PTPRN2: variants seen among roughly 807,000 people sequenced by gnomAD.
The protein encoded by PTPRN2 is receptor-type tyrosine-protein phosphatase N2.
Under a neutral mutation model 118.8 loss-of-function variants are expected in PTPRN2, and 74 were observed. The observed-to-expected ratio is 0.62, with a 90% CI of 0.52 to 0.76. PTPRN2 has a LOEUF of 0.76. Ranked by LOEUF, PTPRN2 falls within the 30% of genes least tolerant of loss-of-function variation. The pLI, the probability that PTPRN2 is intolerant of heterozygous loss-of-function variation, is 0.00. For synonymous variants in PTPRN2, 641 were observed against 608.0 expected (o/e 1.05, Z -0.80); for missense variants, 1,481 against 1,394.4 (o/e 1.06, Z -0.99).
At position 157,687,744 on chromosome 7, in the gene PTPRN2, A is replaced by T. The variant is rs552388936; in HGVS notation, c.1789-4807T>A. 2.0e-5 allele frequency among the ~76,000 whole-genome samples: 3 copies of T among 152,328 alleles called. No individual in the cohort carries two copies. The South Asian group carries it at 6.2e-4, about 32-fold the overall frequency. On this transcript the variant is annotated intron_variant, in intron 12 of 22. Coordinates refer to ENST00000389418, the MANE Select transcript of PTPRN2 (RefSeq NM_002847.5). ...CTAAAAGGCATTACTAAAATATAAT[A>T]CTCACTTTAGGGCTGATGAACATTT...
rs1336378316 is a variant in PTPRN2 at position 158,406,393 on chromosome 7, T to A, written c.163+83342A>T. ...CCCGCAGTGGCTCATCCGTGAGACATGTGGCTGCACACTGAGATCCTGCAG... is the reference window on the plus strand; with the variant it reads ...CCCGCAGTGGCTCATCCGTGAGACAAGTGGCTGCACACTGAGATCCTGCAG... On this transcript the variant is annotated intron_variant, in intron 2 of 22. Coordinates refer to ENST00000389418, the MANE Select transcript of PTPRN2 (RefSeq NM_002847.5). 3.4e-5 allele frequency among the ~76,000 whole-genome samples: 4 copies of A among 118,552 alleles called. No homozygotes were observed. The East Asian group carries it at 9.5e-4, about 28-fold the overall frequency. The allele number at this position is 118,552 out of a possible 152,430, so 77.8% of individuals were successfully genotyped here.
rs894351359 is a variant in PTPRN2 at position 158,241,370 on chromosome 7, C to T, written c.278-36097G>A. The stretch of plus-strand genomic sequence containing the variant: ...TCTCTACAAAAAATACAAAATTAGC[C>T]GGGCATGATGGCAGGTGCCTGTAAT... On this transcript the variant is annotated intron_variant, in intron 3 of 22. Transcript: ENST00000389418. Among the ~76,000 whole-genome samples the T allele has an allele frequency of 3.3e-5, 5 of 151,986 alleles. No homozygotes were observed. In the East Asian group the frequency reaches 5.8e-4, roughly 18 times the overall value.
At chr7:157,625,294 A>C (rs1803497709) in intron 14 of PTPRN2, among the ~76,000 whole-genome samples, 1 of 152,266 alleles carries the variant, frequency 6.6e-6, no homozygotes, top group African/African-American at 2.4e-5. Flanking sequence ...TGTTTATAGC[A>C]GCACAATTCA....
intron 3 of PTPRN2, among the ~76,000 whole-genome samples, chr7:158,239,551 G>A (rs1341149886): frequency 1.3e-5 from 2 of 152,192 alleles, no homozygotes; most frequent in African/African-American, 2.4e-5. Context: ...GGACCAATGG[G>A]GACGTGGCTT....
chr7:158,188,641 C>T (rs1253367338), intron 5 of PTPRN2, among the ~76,000 whole-genome samples: 4 of 133,268 alleles, frequency 3.0e-5, no homozygotes, highest in South Asian at 2.5e-4. Context: ...AAGGCCGCCA[C>T]GCTCGCCCCC....
chr7:158,174,983 A>C (rs1316909236), intron 5 of PTPRN2, among the ~76,000 whole-genome samples: 1 of 152,108 alleles, frequency 6.6e-6, no homozygotes, highest in Non-Finnish European at 1.5e-5. Context: ...CCCAGTCCCA[A>C]AGGCACAATT....
At chr7:158,561,344 C>T (rs1400939113) in intron 1 of PTPRN2, among the ~76,000 whole-genome samples, 1 of 152,072 alleles carries the variant, frequency 6.6e-6, no homozygotes, top group African/African-American at 2.4e-5. Context: ...TGAGAAAATC[C>T]CCCTGACAGC....
At chr7:157,573,232 G>A (rs1463750376) in intron 19 of PTPRN2, among the ~76,000 whole-genome samples, 1 of 152,250 alleles carries the variant, frequency 6.6e-6, no homozygotes, top group Non-Finnish European at 1.5e-5. Flanking sequence ...TGTGTGACGT[G>A]AGCACGTATG....
chr7:157,981,936 C>T (rs566538445), intron 11 of PTPRN2, among the ~76,000 whole-genome samples: 1 of 152,244 alleles, frequency 6.6e-6, no homozygotes, highest in South Asian at 2.1e-4. Flanking sequence ...CCCCAAACCC[C>T]TGAGTCATAA....
chr7:157,572,952 G>A (rs1396814317), intron 19 of PTPRN2, among the ~76,000 whole-genome samples: 2 of 152,246 alleles, frequency 1.3e-5, no homozygotes, highest in East Asian at 1.9e-4. Flanking sequence ...GGGGAGAGGC[G>A]GGGAAGGCAA....
At chr7:157,703,261 C>T (rs950875286) in intron 12 of PTPRN2, among the ~76,000 whole-genome samples, 12 of 152,190 alleles carry the variant, frequency 7.9e-5, no homozygotes, top group East Asian at 3.9e-4. Flanking sequence ...CTGCTAAGGA[C>T]GCACACTGGG....
chr7:157,799,012 T>C (rs1805055815), intron 12 of PTPRN2, among the ~76,000 whole-genome samples: 1 of 152,172 alleles, frequency 6.6e-6, no homozygotes, highest in South Asian at 2.1e-4. Context: ...TGCTGCCCCC[T>C]CCTCCTTTCT....
chr7:157,730,196 C>CT (rs1189034145), intron 12 of PTPRN2, among the ~76,000 whole-genome samples: 1 of 152,226 alleles, frequency 6.6e-6, no homozygotes, highest in South Asian at 2.1e-4. Context: ...CTGCCCCCCC[C>CT]CGGGCACTCG....
intron 11 of PTPRN2, among the ~76,000 whole-genome samples, chr7:158,071,805 GAGGTGCTCGTCGTA>G (rs1304753530): frequency 2.1e-4 from 23 of 108,808 alleles, no homozygotes; most frequent in African/African-American, 2.0e-4. Flanking sequence ...GCTCCTGGTG[GAGGTGCTCGTCGTA>G]TGGAGGTGCC....
intron 16 of PTPRN2, among the ~76,000 whole-genome samples, chr7:157,600,519 C>T (rs1801612247): frequency 6.6e-6 from 1 of 152,120 alleles, no homozygotes; most frequent in African/African-American, 2.4e-5. Context: ...CTCCTGGGTT[C>T]AAATGTTTCT....
chr7:158,203,459 T>C (rs1826823901), intron 4 of PTPRN2, among the ~76,000 whole-genome samples: 1 of 152,164 alleles, frequency 6.6e-6, no homozygotes, highest in Non-Finnish European at 1.5e-5. Flanking sequence ...TTTAACGTTG[T>C]TTAGAAGGCA....
intron 6 of PTPRN2, among the ~76,000 whole-genome samples, chr7:158,153,638 G>A (rs527612209): frequency 6.1e-4 from 93 of 152,328 alleles, no homozygotes; most frequent in African/African-American, 2.1e-3. Flanking sequence ...GGAGAGGAGT[G>A]GTGGGTGGGG....
intron 11 of PTPRN2, among the ~76,000 whole-genome samples, chr7:157,984,012 G>A (rs939595999): frequency 2.6e-5 from 4 of 152,122 alleles, no homozygotes; most frequent in South Asian, 2.1e-4. Flanking sequence ...GACTCGCAGG[G>A]GGCCCGTGAG....
intron 19 of PTPRN2, among the ~76,000 whole-genome samples, chr7:157,575,624 CCA>C (rs1799994255): frequency 6.6e-6 from 1 of 152,158 alleles, no homozygotes; most frequent in Admixed American, 6.5e-5. Flanking sequence ...TTCAAGAATT[CCA>C]CAGAGAATTC....
Sources: gnomAD v4.1 joint callset for allele counts (sites outside exome capture counted in the v4.1 genomes callset) on GRCh38, gnomAD v4.1.1 for gene constraint, MANE v1.5 for transcripts, NCBI Gene and HGNC (gene_info 2026-07-23, HGNC 2026-07-21) for gene names.